The following TNFRSF21 variants were observed in gnomAD, a reference collection of about 807,000 sequenced individuals.
The protein encoded by TNFRSF21 is TNF receptor superfamily member 21.
Under a neutral mutation model 45.6 loss-of-function variants are expected in TNFRSF21, and 19 were observed. The ratio of observed to expected loss-of-function variants is 0.42; its 90% CI spans 0.29 to 0.61. The LOEUF is 0.61. Among genes scored for constraint, TNFRSF21 ranks in the 20% least tolerant of loss-of-function variants. The pLI is 0.23. For missense variants in TNFRSF21, 737 were observed against 851.5 expected, an observed-to-expected ratio of 0.87 and a Z score of 1.67; for synonymous variants, 314 against 335.5, an observed-to-expected ratio of 0.94 and a Z score of 0.70.
chr6:47,279,226 G>A (rs527313140), intron 3 of TNFRSF21, among the ~76,000 whole-genome samples: 2 of 152,246 alleles, frequency 1.3e-5, no homozygotes, highest in South Asian at 2.1e-4. Context: ...AGTTAAAGAG[G>A]GAGGAAGAAT....
chr6:47,282,975 C>A (rs1356703650), intron 3 of TNFRSF21, among the ~76,000 whole-genome samples: 1 of 152,096 alleles, frequency 6.6e-6, no homozygotes, highest in Non-Finnish European at 1.5e-5. Context: ...TCTGATTATA[C>A]CTTTATGATA....
At chr6:47,253,795 G>A (rs1316895197) in intron 3 of TNFRSF21, among the ~76,000 whole-genome samples, 4 of 152,128 alleles carry the variant, frequency 2.6e-5, no homozygotes, top group Admixed American at 2.6e-4. Context: ...TGTTTCGAAA[G>A]CCAAACCCAA....
chr6:47,291,517 G>A (rs1561951417), intron 1 of TNFRSF21, among the ~76,000 whole-genome samples: 2 of 152,194 alleles, frequency 1.3e-5, no homozygotes, highest in African/African-American at 4.8e-5. Flanking sequence ...CAGGTCAGCT[G>A]AATTTGGTGA....
chr6:47,285,848 C>T (rs535373444), intron 2 of TNFRSF21, 96 bp downstream of exon 2: 22 of 1,384,870 alleles, frequency 1.6e-5, no homozygotes, highest in African/African-American at 7.2e-5. Context: ...TTGGAATACA[C>T]GAAATGGAGA....
At position 47,253,352 on chromosome 6, in the gene TNFRSF21, G is replaced by A. The variant is rs748427408; in HGVS notation, c.1413C>T (p.Pro471=). The part of the protein sequence containing the change: ...AALQHWTIRG[P]EASLAQLISA... ...TAATTAGCTGGGCGAGGCTGGCCTC[G>A]GGGCCCCGGATGGTCCAGTGCTGCA... Residue 471 remains proline (P), a synonymous_variant, in exon 4 of 6, where the codon CCC becomes CCT. Transcript: ENST00000296861. 2.4e-5 allele frequency: 38 copies of A among 1,613,882 alleles called. 1 individual carries two copies. Among genetic ancestry groups the A allele is most frequent in the South Asian group, 4.4e-5 (4 of 91,056 alleles).
intron 1 of TNFRSF21, among the ~76,000 whole-genome samples, chr6:47,288,905 T>C (rs1172089315): frequency 2.6e-5 from 4 of 152,194 alleles, no homozygotes; most frequent in Admixed American, 2.6e-4. Context: ...TTGAAGACCA[T>C]AGCTACGAAA....
At chr6:47,282,205 G>A (rs1164565360) in intron 3 of TNFRSF21, among the ~76,000 whole-genome samples, 1 of 151,940 alleles carries the variant, frequency 6.6e-6, no homozygotes, top group Admixed American at 6.6e-5. Context: ...GACCAACATG[G>A]AGAAACCCCA....
chr6:47,285,260 G>T (rs1762629394), intron 2 of TNFRSF21, among the ~76,000 whole-genome samples: 1 of 152,164 alleles, frequency 6.6e-6, no homozygotes, highest in African/African-American at 2.4e-5. Flanking sequence ...AATCAAAAAG[G>T]ATTTGAAAAT....
chr6:47,258,934 C>T (rs1323305297), intron 3 of TNFRSF21, among the ~76,000 whole-genome samples: 1 of 152,178 alleles, frequency 6.6e-6, no homozygotes. Context: ...TGGCTGTGTT[C>T]TAATAAAACT....
At chr6:47,307,792 G>A (rs892246322) in intron 1 of TNFRSF21, among the ~76,000 whole-genome samples, 3 of 152,216 alleles carry the variant, frequency 2.0e-5, no homozygotes, top group Admixed American at 1.3e-4. Flanking sequence ...AATAAATGGA[G>A]TATTGCACAA....
At chr6:47,273,873 G>A (rs1341630096) in intron 3 of TNFRSF21, among the ~76,000 whole-genome samples, 3 of 152,120 alleles carry the variant, frequency 2.0e-5, no homozygotes, top group Admixed American at 2.0e-4. Flanking sequence ...AATCATGAGT[G>A]AACTTCCATT....
rs990119129 is a variant in TNFRSF21 at position 47,264,354 on chromosome 6, C to G, written c.1244-10833G>C. Among the ~76,000 whole-genome samples the G allele has an allele frequency of 2.6e-5, 4 of 152,246 alleles. No homozygotes were observed. In the East Asian group the frequency reaches 5.8e-4, roughly 22 times the overall value. On this transcript the variant is annotated intron_variant, in intron 3 of 5. Coordinates refer to ENST00000296861, the MANE Select transcript of TNFRSF21 (RefSeq NM_014452.5). ...ACCAGCTTGGCCGACATGGCGAAAC[C>G]CTGTCTCTACTAAAAATACAAAAAT...
In TNFRSF21 at chr6:47,252,179, A is replaced by G. The variant is rs1764909606; in HGVS notation, c.1509+1077T>C. 2.6e-5 allele frequency among the ~76,000 whole-genome samples: 4 copies of G among 152,364 alleles called. No individual in the cohort carries two copies. The South Asian group carries it at 8.3e-4, about 32-fold the overall frequency. ...GTAAGTATAAAGTATGCAAAATGAA[A>G]TACTTTGATACACAAAATGTGATAT... On this transcript the variant is annotated intron_variant, in intron 4 of 5. Coordinates refer to ENST00000296861, the MANE Select transcript of TNFRSF21 (RefSeq NM_014452.5).
At position 47,253,503 on chromosome 6, in the gene TNFRSF21, A is replaced by G; in HGVS notation, c.1262T>C (p.Leu421Pro). ...CTGGCTTCCCACTTGGGCTGCTACA[A>G]GCTTCAGGATATCGATACCTACACC... ...CNGHGIDILK[L>P]VAAQVGSQWK... The change falls in exon 4 of 6, where the codon CTT becomes CCT. Residue 421 changes from leucine (L) to proline (P), a missense_variant. Leu to Pro is a moderately conservative substitution (Grantham distance 98, BLOSUM62 -3). Transcript: ENST00000296861. The G allele has an allele frequency of 6.2e-7, 1 of 1,612,690 alleles. No individual in the cohort carries two copies. The highest frequency in any genetic ancestry group is 8.5e-7 in the Non-Finnish European group (1 of 1,180,036).
chr6:47,257,235 A>G (rs1765001750), intron 3 of TNFRSF21, among the ~76,000 whole-genome samples: 3 of 152,192 alleles, frequency 2.0e-5, no homozygotes, highest in East Asian at 1.9e-4. Flanking sequence ...AAAAGAAAAA[A>G]AAACCCACAA....
intron 3 of TNFRSF21, among the ~76,000 whole-genome samples, chr6:47,272,312 T>A (rs929994442): frequency 1.3e-5 from 2 of 152,154 alleles, no homozygotes. Context: ...CACAACAAAC[T>A]GTCTCTCAGA....
At chr6:47,251,203 C>A (rs961976404) in intron 4 of TNFRSF21, among the ~76,000 whole-genome samples, 6 of 152,144 alleles carry the variant, frequency 3.9e-5, no homozygotes, top group African/African-American at 1.4e-4. Context: ...AGAGTTAGAG[C>A]TGGATCCAAA....
intron 4 of TNFRSF21, among the ~76,000 whole-genome samples, chr6:47,238,433 G>C (rs1287016406): frequency 6.6e-6 from 1 of 152,218 alleles, no homozygotes; most frequent in Non-Finnish European, 1.5e-5. Flanking sequence ...TCCTAACTTG[G>C]AAGACTCATG....
intron 1 of TNFRSF21, among the ~76,000 whole-genome samples, chr6:47,303,551 CTGCTCACTGATCTCACTGAGATCACTAT>C (rs1762901566): frequency 6.6e-6 from 1 of 152,180 alleles, no homozygotes; most frequent in Non-Finnish European, 1.5e-5. Flanking sequence ...GAGATCACTA[CTGCTCACTGATCTCACTGAGATCACTAT>C]TGCTTACTAT....
Sources: gnomAD v4.1 joint callset for allele counts (sites outside exome capture counted in the v4.1 genomes callset) on GRCh38, gnomAD v4.1.1 for gene constraint, MANE v1.5 for transcripts, NCBI Gene and HGNC (gene_info 2026-07-23, HGNC 2026-07-21) for gene names.